Variants in TAFA2 observed in about 807,000 individuals in gnomAD.
TAFA2 encodes TAFA chemokine like family member 2, also known as chemokine-like protein TAFA-2.
TAFA2 carries 7 observed loss-of-function variants against 18.8 expected under a neutral mutation model. That is an observed-to-expected ratio of 0.37 (90% CI 0.21 to 0.70). TAFA2 has a LOEUF of 0.70. Ranked by LOEUF, TAFA2 falls within the 30% of genes least tolerant of loss-of-function variation. The pLI, the probability that TAFA2 is intolerant of heterozygous loss-of-function variation, is 0.53. For missense variants in TAFA2, 122 were observed against 158.1 expected, an observed-to-expected ratio of 0.77 and a Z score of 1.23; for synonymous variants, 60 against 54.2, an observed-to-expected ratio of 1.11 and a Z score of -0.47.
chr12:62,160,719 G>A (rs112588753), intron 1 of TAFA2, among the ~76,000 whole-genome samples: 70 of 152,244 alleles, frequency 4.6e-4, no homozygotes, highest in African/African-American at 1.7e-3. Flanking sequence ...CCCCATGTCT[G>A]CGTGAGTTAT....
rs535912317 is a variant in TAFA2, at chr12:61,928,602, T to C, written c.-1-61176A>G. Among the ~76,000 whole-genome samples, 3 of 152,316 alleles carry C rather than the reference T, an allele frequency of 2.0e-5. No homozygotes were observed. The South Asian group carries it at 6.2e-4, about 32-fold the overall frequency. On this transcript the variant is annotated intron_variant, in intron 1 of 4. Coordinates refer to ENST00000416284, the MANE Select transcript of TAFA2 (RefSeq NM_178539.5). Reference sequence around the variant, plus strand: ...TTAGTTCAACCATTGTGGAAGATAGTGTGGCAATTTCTCAAGTATCTAGAA... The same window carrying C: ...TTAGTTCAACCATTGTGGAAGATAGCGTGGCAATTTCTCAAGTATCTAGAA...
chr12:62,230,747 G>A (rs988991270), intron 1 of TAFA2, among the ~76,000 whole-genome samples: 2 of 152,172 alleles, frequency 1.3e-5, no homozygotes, highest in African/African-American at 2.4e-5. Context: ...ACACAATCAT[G>A]ACTTAGTGTA....
intron 1 of TAFA2, among the ~76,000 whole-genome samples, chr12:62,058,487 T>A (rs1338158441): frequency 6.6e-6 from 1 of 152,234 alleles, no homozygotes; most frequent in East Asian, 1.9e-4. Context: ...CAGCAGTGAA[T>A]AATTCCGTCT....
At chr12:61,756,394 C>T (rs1449615425) in intron 2 of TAFA2, among the ~76,000 whole-genome samples, 2 of 152,052 alleles carry the variant, frequency 1.3e-5, no homozygotes, top group Non-Finnish European at 2.9e-5. Context: ...TCTTCTCGTG[C>T]TCTGGGTGAA....
chr12:61,768,782 C>A (rs61942563), intron 2 of TAFA2, among the ~76,000 whole-genome samples: 42,777 of 151,996 alleles, frequency 0.28, 6,747 homozygotes, highest in South Asian at 0.37. Flanking sequence ...AAACTTCCAG[C>A]TGAATTTTGT....
At chr12:61,931,181 T>A (rs1877539453) in intron 1 of TAFA2, among the ~76,000 whole-genome samples, 1 of 152,218 alleles carries the variant, frequency 6.6e-6, no homozygotes, top group Admixed American at 6.6e-5. Flanking sequence ...CCTGCTTTTT[T>A]CAATTTTAGG....
chr12:62,032,790 G>A (rs1881494981), intron 1 of TAFA2, among the ~76,000 whole-genome samples: 1 of 151,990 alleles, frequency 6.6e-6, no homozygotes, highest in Non-Finnish European at 1.5e-5. Context: ...ATATGAATCA[G>A]ACAAAAAGAA....
chr12:62,206,846 G>C (rs946032031), intron 1 of TAFA2: 1 of 150,512 alleles, frequency 6.6e-6, no homozygotes, highest in African/African-American at 2.4e-5. Context: ...ACATATTTTG[G>C]TTATTTAGGC....
At chr12:61,824,367 A>C (rs1462234279) in intron 2 of TAFA2, among the ~76,000 whole-genome samples, 1 of 152,178 alleles carries the variant, frequency 6.6e-6, no homozygotes, top group African/African-American at 2.4e-5. Flanking sequence ...TGTGTTGTTT[A>C]AGCTGCTAAA....
intron 1 of TAFA2, among the ~76,000 whole-genome samples, chr12:61,887,062 T>A (rs945561403): frequency 6.6e-6 from 1 of 152,228 alleles, no homozygotes; most frequent in South Asian, 2.1e-4. Context: ...CTGCTCATAA[T>A]AAATGCTCAA....
chr12:62,135,232 GGTT>G (rs1288793893), intron 1 of TAFA2, among the ~76,000 whole-genome samples: 1 of 151,892 alleles, frequency 6.6e-6, no homozygotes, highest in African/African-American at 2.4e-5. Context: ...CTAAATCTGA[GGTT>G]GTCAACAACA....
At chr12:62,222,221 AT>A (rs774338052) in intron 1 of TAFA2, among the ~76,000 whole-genome samples, 1 of 152,088 alleles carries the variant, frequency 6.6e-6, no homozygotes, top group Non-Finnish European at 1.5e-5. Flanking sequence ...ATCTGGAGTC[AT>A]AGGGAAATTT....
chr12:61,817,266 T>C (rs1386806794), intron 2 of TAFA2, among the ~76,000 whole-genome samples: 1 of 152,158 alleles, frequency 6.6e-6, no homozygotes, highest in Admixed American at 6.5e-5. Flanking sequence ...ATTTATTTCC[T>C]AATCTGTAAA....
chr12:61,941,369 A>T (rs898692968), intron 1 of TAFA2, among the ~76,000 whole-genome samples: 1 of 152,152 alleles, frequency 6.6e-6, no homozygotes, highest in Admixed American at 6.5e-5. Flanking sequence ...ACATAACTTT[A>T]TTCGAAAGTA....
intron 1 of TAFA2, among the ~76,000 whole-genome samples, chr12:62,125,409 A>G (rs1288507869): frequency 1.3e-5 from 2 of 152,138 alleles, no homozygotes; most frequent in African/African-American, 4.8e-5. Flanking sequence ...GTTGAAGGTT[A>G]GCAATAACAT....
intron 4 of TAFA2, chr12:61,720,948 C>A (rs758822140): frequency 1.2e-5 from 6 of 517,354 alleles, no homozygotes; most frequent in Non-Finnish European, 2.3e-5. Context: ...ACATGTCAGG[C>A]ACTCCACTGT....
chr12:62,199,133 T>C (rs1002235374), intron 1 of TAFA2, among the ~76,000 whole-genome samples: 10 of 152,246 alleles, frequency 6.6e-5, no homozygotes, highest in African/African-American at 2.4e-4. Context: ...CGTCATTATC[T>C]GACAATTGGC....
intron 1 of TAFA2, among the ~76,000 whole-genome samples, chr12:61,895,373 C>T (rs766992461): frequency 1.0e-3 from 156 of 152,184 alleles, no homozygotes; most frequent in Admixed American, 1.6e-3. Flanking sequence ...CTTCTACATC[C>T]TTTCACCACC....
chr12:61,823,266 G>A (rs1872396284), intron 2 of TAFA2, among the ~76,000 whole-genome samples: 1 of 151,916 alleles, frequency 6.6e-6, no homozygotes, highest in African/African-American at 2.4e-5. Context: ...TGAAACTCCT[G>A]GCCTCAAGCA....
Sources: allele counts gnomAD v4.1 joint callset (sites outside exome capture counted in the v4.1 genomes callset), GRCh38; gene constraint gnomAD v4.1.1; transcripts MANE v1.5; gene names NCBI Gene and HGNC (gene_info 2026-07-23, HGNC 2026-07-21).